Variants in GNA14 observed in about 807,000 individuals in gnomAD.
GNA14 encodes G protein subunit alpha 14, also known as guanine nucleotide-binding protein subunit alpha-14.
A neutral mutation model predicts 42.0 loss-of-function variants in GNA14; 50 were observed. The ratio of observed to expected loss-of-function variants is 1.19; its 90% CI spans 0.95 to 1.51. The LOEUF is 1.51. GNA14 is among the 40% of genes most tolerant of loss of function. GNA14 has a pLI of 0.00. For missense variants in GNA14, 473 were observed against 446.2 expected (o/e 1.06, Z -0.54); for synonymous variants, 173 against 163.1 (o/e 1.06, Z -0.46).
intron 1 of GNA14, among the ~76,000 whole-genome samples, chr9:77,576,164 T>C (rs1400865240): frequency 1.2e-4 from 18 of 152,304 alleles, no homozygotes. Flanking sequence ...CAGTTCAATA[T>C]CATGGCTTGT....
chr9:77,510,311 A>G (rs1274776721), intron 2 of GNA14, among the ~76,000 whole-genome samples: 1 of 152,164 alleles, frequency 6.6e-6, no homozygotes, highest in Non-Finnish European at 1.5e-5. Flanking sequence ...ATTATTGAAT[A>G]ATATTCCAGT....
intron 2 of GNA14, among the ~76,000 whole-genome samples, chr9:77,505,083 G>A (rs375269976): frequency 4.0e-4 from 61 of 152,136 alleles, no homozygotes; most frequent in African/African-American, 1.4e-3. Flanking sequence ...TTCAACTGGA[G>A]AACTGATGAA....
At chr9:77,516,174 C>A (rs1837254606) in intron 2 of GNA14, among the ~76,000 whole-genome samples, 2 of 152,122 alleles carry the variant, frequency 1.3e-5, no homozygotes, top group Admixed American at 1.3e-4. Flanking sequence ...TTTGTAATAT[C>A]AGACTAGTTG....
At chr9:77,499,433 T>A (rs1458599856) in intron 2 of GNA14, among the ~76,000 whole-genome samples, 1 of 151,902 alleles carries the variant, frequency 6.6e-6, no homozygotes. Flanking sequence ...GAATTGAATA[T>A]GGTACCTTTT....
At chr9:77,441,411 T>A (rs1202871405) in intron 2 of GNA14, among the ~76,000 whole-genome samples, 4 of 152,178 alleles carry the variant, frequency 2.6e-5, no homozygotes, top group African/African-American at 7.2e-5. Flanking sequence ...TCCTGAGGCC[T>A]CCTCAGCCAT....
chr9:77,483,962 GAATTC>G (rs1195057670), intron 2 of GNA14, among the ~76,000 whole-genome samples: 1 of 152,200 alleles, frequency 6.6e-6, no homozygotes, highest in Non-Finnish European at 1.5e-5. Flanking sequence ...TTTCAAACTA[GAATTC>G]AATACCCAGA....
At chr9:77,601,777 C>T (rs1160295459) in intron 1 of GNA14, among the ~76,000 whole-genome samples, 1 of 152,208 alleles carries the variant, frequency 6.6e-6, no homozygotes, top group African/African-American at 2.4e-5. Flanking sequence ...GACGGAAGCC[C>T]ACTGGTGCCG....
intron 2 of GNA14, among the ~76,000 whole-genome samples, chr9:77,474,304 A>G (rs1206150483): frequency 6.6e-6 from 1 of 152,226 alleles, no homozygotes; most frequent in East Asian, 1.9e-4. Flanking sequence ...ACAACTCAGT[A>G]AGAAAAGAAT....
intron 2 of GNA14, among the ~76,000 whole-genome samples, chr9:77,501,332 G>C (rs1461000034): frequency 1.3e-5 from 2 of 152,090 alleles, no homozygotes; most frequent in Admixed American, 1.3e-4. Flanking sequence ...CAACATGAAT[G>C]GTTTAGTTCC....
chr9:77,645,131 A>AT (rs1347992675), intron 1 of GNA14, among the ~76,000 whole-genome samples: 4 of 152,114 alleles, frequency 2.6e-5, no homozygotes, highest in African/African-American at 2.4e-5. Flanking sequence ...TCCTCACATC[A>AT]TTTTTTTGCA....
At chr9:77,510,064 A>G (rs565390531) in intron 2 of GNA14, among the ~76,000 whole-genome samples, 3 of 152,214 alleles carry the variant, frequency 2.0e-5, no homozygotes, top group Admixed American at 1.3e-4. Flanking sequence ...AATAATTTTT[A>G]GAGCATTTTC....
rs183252930 is a variant in GNA14 at position 77,522,826 on chromosome 9, T to C, written c.309+6243A>G. ...TTGTTTGGGATGTTCTAGTGCCTGA[T>C]AAACCCAGCAGTAGGAAGAGGAGGA... is the stretch of plus-strand genomic sequence containing the variant. On this transcript the variant is annotated intron_variant, in intron 2 of 6. Coordinates refer to ENST00000341700, the MANE Select transcript of GNA14 (RefSeq NM_004297.4). Among the ~76,000 whole-genome samples, 653 of 152,264 alleles carry C rather than the reference T, an allele frequency of 4.3e-3. 7 individuals are homozygous for C. Among genetic ancestry groups the C allele is most frequent in the African/African-American group, 0.015 (605 of 41,542 alleles).
At chr9:77,620,848 CA>C (rs35141766) in intron 1 of GNA14, among the ~76,000 whole-genome samples, 9,266 of 74,116 alleles carry the variant, frequency 0.13, 268 homozygotes, top group African/African-American at 0.22. Context: ...AATCTTGTCT[CA>C]AAAAAAAAAA....
At chr9:77,584,397 A>G (rs1823269611) in intron 1 of GNA14, among the ~76,000 whole-genome samples, 1 of 152,180 alleles carries the variant, frequency 6.6e-6, no homozygotes, top group Non-Finnish European at 1.5e-5. Flanking sequence ...TGTGCAATCA[A>G]AGTTTGGAGA....
chr9:77,549,636 A>G (rs1245732967), intron 1 of GNA14, among the ~76,000 whole-genome samples: 1 of 152,174 alleles, frequency 6.6e-6, no homozygotes, highest in Admixed American at 6.5e-5. Context: ...CAGACATTCA[A>G]ATGCTTGCTG....
At chr9:77,543,062 C>A (rs1373273325) in intron 1 of GNA14, among the ~76,000 whole-genome samples, 1 of 152,210 alleles carries the variant, frequency 6.6e-6, no homozygotes. Flanking sequence ...AGTTTGCTGG[C>A]ACCTTGGTCC....
chr9:77,465,741 G>A (rs1436185407), intron 2 of GNA14, among the ~76,000 whole-genome samples: 1 of 152,102 alleles, frequency 6.6e-6, no homozygotes, highest in East Asian at 1.9e-4. Context: ...AAGTAGGTGG[G>A]AACACGGGTG....
At chr9:77,505,423 A>C (rs1564034499) in intron 2 of GNA14, among the ~76,000 whole-genome samples, 1 of 152,110 alleles carries the variant, frequency 6.6e-6, no homozygotes, top group Non-Finnish European at 1.5e-5. Flanking sequence ...ACTGGTATTC[A>C]TGGTGCTGTA....
intron 2 of GNA14, among the ~76,000 whole-genome samples, chr9:77,460,536 CA>C (rs1423765852): frequency 6.6e-6 from 1 of 152,150 alleles, no homozygotes; most frequent in Non-Finnish European, 1.5e-5. Flanking sequence ...AACCAACTGG[CA>C]AAACTCTGGA....
Sources: allele counts gnomAD v4.1 joint callset (sites outside exome capture counted in the v4.1 genomes callset), GRCh38; gene constraint gnomAD v4.1.1; transcripts MANE v1.5; gene names NCBI Gene and HGNC (gene_info 2026-07-23, HGNC 2026-07-21).